Variants in MYT1 observed in about 807,000 individuals in gnomAD.
The protein encoded by MYT1 is myelin transcription factor 1.
Under a neutral mutation model 123.0 loss-of-function variants are expected in MYT1, and 23 were observed. The observed-to-expected ratio is 0.19, with a 90% CI of 0.13 to 0.26. The LOEUF (loss-of-function observed/expected upper bound fraction) is 0.26, where lower values mean the gene tolerates loss of function less well. MYT1 is among the 10% of genes least tolerant of loss of function. The probability of loss-of-function intolerance (pLI) is 1.00; values close to 1 mark genes in which losing one functional copy is unlikely to be tolerated. For missense variants in MYT1, 1,125 were observed against 1,472.5 expected, an observed-to-expected ratio of 0.76 and a Z score of 3.86; for synonymous variants, 518 against 575.3, an observed-to-expected ratio of 0.90 and a Z score of 1.43.
At position 64,185,365 on chromosome 20, in the gene MYT1, C is replaced by T. The variant is rs1010791961; in HGVS notation, c.-98-4698C>T. ...CATGGGAGAATGGAGGTGTGGGCTC[C>T]TCTCAAGTGACTACCCTTCCCCTCT... is the stretch of plus-strand genomic sequence containing the variant. On this transcript the variant is annotated intron_variant, in intron 1 of 22. Coordinates refer to ENST00000328439, the MANE Select transcript of MYT1 (RefSeq NM_004535.3). This position sits in a 1 kb window ranked among gnomAD's most constrained non-coding sequence, Gnocchi z 4.5. Among the ~76,000 whole-genome samples the T allele has an allele frequency of 6.6e-6, 1 of 152,082 alleles. No homozygotes were observed. The highest frequency in any genetic ancestry group is 1.5e-5 in the Non-Finnish European group (1 of 67,986).
In MYT1 at chr20:64,167,732, C is replaced by G. The variant is rs538727935; in HGVS notation, c.-99+2993C>G. Among the ~76,000 whole-genome samples, 3 of 152,294 alleles carry G rather than the reference C, an allele frequency of 2.0e-5. No homozygotes were observed. In the South Asian group the frequency reaches 6.2e-4, roughly 32 times the overall value. ...GCTGGGGGGGCTCTTCTCTTTCTTCCTCTCTCCCATCTTCCTCATCTTAGA... is the reference window on the plus strand; with the variant it reads ...GCTGGGGGGGCTCTTCTCTTTCTTCGTCTCTCCCATCTTCCTCATCTTAGA... On this transcript the variant is annotated intron_variant, in intron 1 of 22. Transcript: ENST00000328439. The surrounding 1 kb of genome is among the most constrained non-coding windows in gnomAD (Gnocchi z 6.3).
chr20:64,195,536 C>T (rs1239950065), intron 2 of MYT1, among the ~76,000 whole-genome samples: 3 of 151,792 alleles, frequency 2.0e-5, no homozygotes, highest in Non-Finnish European at 4.4e-5. Context: ...GCTGAGACTA[C>T]AGGCGTGCAC....
intron 1 of MYT1, among the ~76,000 whole-genome samples, chr20:64,174,077 G>A (rs1441739386): frequency 3.3e-4 from 1 of 2,998 alleles, no homozygotes; most frequent in African/African-American, 1.8e-3. Flanking sequence ...CCCCTCCCTG[G>A]CTTCTCCTGT....
At chr20:64,223,496 A>G in intron 16 of MYT1, 137 bp downstream of exon 16, 2 of 982,370 alleles carry the variant, frequency 2.0e-6, no homozygotes, top group Non-Finnish European at 3.2e-6. Context: ...AGATGGGCAG[A>G]GGGGCAGGGC....
At chr20:64,220,031 C>T (rs768598152) in intron 13 of MYT1, 49 bp downstream of exon 13, 9 of 1,435,140 alleles carry the variant, frequency 6.3e-6, no homozygotes, top group Non-Finnish European at 8.2e-6. Flanking sequence ...AGCCAGCTTG[C>T]CCTGCCTGAG....
At chr20:64,199,039 G>A (rs935608740) in intron 3 of MYT1, 123 bp downstream of exon 3, 17 of 989,434 alleles carry the variant, frequency 1.7e-5, no homozygotes, top group Non-Finnish European at 2.4e-5. Flanking sequence ...GGCCTCTTCA[G>A]CCTCATTCAT....
At position 64,236,836 on chromosome 20, in the gene MYT1, T is replaced by C. The variant is rs542462864; in HGVS notation, c.2989+190T>C. On this transcript the variant is annotated intron_variant, in intron 20 of 22. Coordinates refer to ENST00000328439, the MANE Select transcript of MYT1 (RefSeq NM_004535.3). The stretch of plus-strand genomic sequence containing the variant: ...CCTTGGCTCTGAAGCTCTTGACACC[T>C]GTGTCTGGGGTCCCTGGCCCTGAGG... 8.7e-4 allele frequency among the ~76,000 whole-genome samples: 132 copies of C among 152,234 alleles called. 1 individual carries two copies. Among genetic ancestry groups the C allele is most frequent in the Admixed American group, 1.4e-3 (21 of 15,304 alleles).
In MYT1 at chr20:64,212,751, C is replaced by T. The variant is rs1983718229; in HGVS notation, c.1517+613C>T. On this transcript the variant is annotated intron_variant, in intron 9 of 22. Transcript: ENST00000328439. This position sits in a 1 kb window ranked among gnomAD's most constrained non-coding sequence, Gnocchi z 6.8. ...TGAGGCCCAGGTGGAAGTGAAGCTT[C>T]CCGACCACCCTCGAGGTGTAGTTGT... Among the ~76,000 whole-genome samples the T allele has an allele frequency of 6.6e-6, 1 of 151,976 alleles. No individual in the cohort carries two copies. Among genetic ancestry groups the T allele is most frequent in the South Asian group, 2.1e-4 (1 of 4,804 alleles).
At chr20:64,172,977 C>T (rs150575030) in intron 1 of MYT1, among the ~76,000 whole-genome samples, 112 of 152,218 alleles carry the variant, frequency 7.4e-4, no homozygotes, top group African/African-American at 2.7e-3. Flanking sequence ...GATCCACCCA[C>T]CTCGGCCTCC....
chr20:64,208,406 G>A lies in MYT1; in HGVS notation c.1210G>A (p.Glu404Lys), dbSNP rs540249536. 15 of 1,613,434 alleles carry A rather than the reference G, an allele frequency of 9.3e-6. No homozygotes were observed. The highest frequency in any genetic ancestry group is 6.6e-5 in the South Asian group (6 of 91,052). The change falls in exon 7 of 23, where the codon GAG becomes AAG. Residue 404 changes from glutamate (E) to lysine (K), a missense_variant. By Grantham distance (56) the Glu-to-Lys change is moderately conservative. Around this residue, in one of 4 missense-constraint regions of MYT1, gnomAD observed 429 missense variants for 604.1 expected, o/e 0.71. Transcript: ENST00000328439. This position sits in a 1 kb window ranked among gnomAD's most constrained non-coding sequence, Gnocchi z 5.4. Reference sequence around the variant, plus strand: ...CTGCGAGCCGGGCTGCCCGCCTGCCGAGCAGAGCCAGCTGGGCCTGGGAGA... The same window carrying A: ...CTGCGAGCCGGGCTGCCCGCCTGCCAAGCAGAGCCAGCTGGGCCTGGGAGA... ...TVCEPGCPPA[E>K]QSQLGLGEPG...
At chr20:64,165,232 C>T (rs1284715549) in intron 1 of MYT1, among the ~76,000 whole-genome samples, 1 of 151,894 alleles carries the variant, frequency 6.6e-6, no homozygotes, top group Non-Finnish European at 1.5e-5. Flanking sequence ...GAGAGGTGCT[C>T]ACGTGAACGT....
At chr20:64,177,918 C>T (rs1982518056) in intron 1 of MYT1, among the ~76,000 whole-genome samples, 1 of 152,206 alleles carries the variant, frequency 6.6e-6, no homozygotes, top group African/African-American at 2.4e-5. Flanking sequence ...ACAAAGCCAG[C>T]CATCCCTGAG....
chr20:64,241,925 C>G lies in MYT1; in HGVS notation c.*1477C>G, dbSNP rs1169628801. ...AGAAAGACATTTTGGTTTTCTTTTT[C>G]CATTTTGGGTTCCTTTTGTTTCAGG... On this transcript the variant is annotated 3_prime_UTR_variant, in exon 23 of 23. Coordinates refer to ENST00000328439, the MANE Select transcript of MYT1 (RefSeq NM_004535.3). This position sits in a 1 kb window ranked among gnomAD's most constrained non-coding sequence, Gnocchi z 4.2. 1 of 152,212 alleles carries G rather than the reference C, an allele frequency of 6.6e-6. No homozygotes were observed. Among genetic ancestry groups the G allele is most frequent in the Non-Finnish European group, 1.5e-5 (1 of 67,990 alleles). The allele number at this position is 152,212 out of a possible 1,614,324, so 9.4% of individuals were successfully genotyped here. A position where few individuals can be genotyped will look rare whatever the true frequency, so the allele number is the denominator to read the frequency against.
rs781520723 is a variant in MYT1 at position 64,218,908 on chromosome 20, C to T, written c.1847-3C>T. ...GTGAGGAGCACTTCATCCTCTTCTG[C>T]AGGCTTTGACTACTCGCAGGACGCC... On this transcript the variant is annotated splice_region_variant and splice_polypyrimidine_tract_variant and intron_variant, in intron 11 of 22. Transcript: ENST00000328439. This position sits in a 1 kb window ranked among gnomAD's most constrained non-coding sequence, Gnocchi z 4.0. 6.2e-7 allele frequency: 1 copy of T among 1,613,480 alleles called. No homozygotes were observed. The highest frequency in any genetic ancestry group is 2.2e-5 in the East Asian group (1 of 44,888).
At position 64,227,817 on chromosome 20, in the gene MYT1, G is replaced by GGTGTGA; in HGVS notation, c.2592-68_2592-67insTGAGTG. The GGTGTGA allele has an allele frequency of 2.9e-6, 4 of 1,358,584 alleles. No individual in the cohort carries two copies. The South Asian group carries it at 5.3e-5, about 18-fold the overall frequency. 84.2% of individuals were successfully genotyped at this position (1,358,584 alleles called of 1,614,324 possible). A position where few individuals can be genotyped will look rare whatever the true frequency, so the allele number is the denominator to read the frequency against. On this transcript the variant is annotated intron_variant, in intron 17 of 22. Coordinates refer to ENST00000328439, the MANE Select transcript of MYT1 (RefSeq NM_004535.3). The stretch of plus-strand genomic sequence containing the variant: ...GGGGTCACAGAGCTTGAGGGGAGAG[G>GGTGTGA]GTGAGATGAACGGGTGTGAGAAGCT...
chr20:64,171,315 A>C (rs1372468411), intron 1 of MYT1, among the ~76,000 whole-genome samples: 1 of 152,160 alleles, frequency 6.6e-6, no homozygotes, highest in East Asian at 1.9e-4. Context: ...TCCTAGGTGC[A>C]TCAGCCAGAT....
intron 1 of MYT1, among the ~76,000 whole-genome samples, chr20:64,183,912 C>G (rs558238433): frequency 1.3e-5 from 2 of 152,268 alleles, no homozygotes; most frequent in South Asian, 4.1e-4. Flanking sequence ...CCTCCACCTC[C>G]CAGGTTCAAG....
chr20:64,219,603 C>T (rs1983936053), intron 12 of MYT1, 110 bp from the exon 13 acceptor site: 3 of 972,278 alleles, frequency 3.1e-6, no homozygotes, highest in Admixed American at 4.9e-5. Flanking sequence ...TGTCCTGCTT[C>T]CTTCTATGGG....
intron 10 of MYT1, among the ~76,000 whole-genome samples, chr20:64,216,187 T>C (rs1983833652): frequency 6.6e-6 from 1 of 152,222 alleles, no homozygotes; most frequent in South Asian, 2.1e-4. Flanking sequence ...CCACTGATTG[T>C]ACACTTTCCA....
Sources: allele counts gnomAD v4.1 joint callset (sites outside exome capture counted in the v4.1 genomes callset), GRCh38; gene constraint gnomAD v4.1.1; regional missense constraint gnomAD v4.1.1; non-coding constraint Gnocchi (gnomAD v3.1); transcripts MANE v1.5; gene names NCBI Gene and HGNC (gene_info 2026-07-23, HGNC 2026-07-21).